Variants in ZBTB7C observed in about 807,000 individuals in gnomAD.
ZBTB7C encodes the protein zinc finger and BTB domain containing 7C, also known as zinc finger and BTB domain-containing protein 7C.
ZBTB7C carries 8 observed loss-of-function variants against 25.7 expected under a neutral mutation model. The ratio of observed to expected loss-of-function variants is 0.31; its 90% CI spans 0.18 to 0.56. The LOEUF (loss-of-function observed/expected upper bound fraction) is 0.56, where lower values mean the gene tolerates loss of function less well. ZBTB7C is among the 20% of genes least tolerant of loss of function. The probability of loss-of-function intolerance (pLI) is 0.91; values close to 1 mark genes in which losing one functional copy is unlikely to be tolerated. For synonymous variants in ZBTB7C, 394 were observed against 369.0 expected, an observed-to-expected ratio of 1.07 and a Z score of -0.78; for missense variants, 824 against 855.2, an observed-to-expected ratio of 0.96 and a Z score of 0.46.
intron 2 of ZBTB7C, among the ~76,000 whole-genome samples, chr18:48,198,254 C>T (rs1405351180): frequency 2.6e-5 from 4 of 152,130 alleles, no homozygotes; most frequent in African/African-American, 2.4e-5. Context: ...ATCTAGAGTT[C>T]CCCATCTTCC....
At chr18:48,149,137 C>A (rs78060600) in intron 3 of ZBTB7C, 3 of 135,002 alleles carry the variant, frequency 2.2e-5, no homozygotes, top group Non-Finnish European at 3.3e-5. Context: ...TGTGTGTGTG[C>A]GCGCGTGTGT....
chr18:48,294,668 C>CA (rs2045337354), intron 2 of ZBTB7C, among the ~76,000 whole-genome samples: 1 of 152,092 alleles, frequency 6.6e-6, no homozygotes, highest in South Asian at 2.1e-4. Flanking sequence ...ACCTGCCCCC[C>CA]ACCCCTCCCT....
chr18:48,134,196 A>G (rs947332492), intron 3 of ZBTB7C, among the ~76,000 whole-genome samples: 2 of 151,566 alleles, frequency 1.3e-5, no homozygotes, highest in Non-Finnish European at 2.9e-5. Flanking sequence ...CATCACTCAG[A>G]TGGGTAATAG....
chr18:48,307,535 A>G (rs2045704168), intron 2 of ZBTB7C, among the ~76,000 whole-genome samples: 2 of 152,328 alleles, frequency 1.3e-5, no homozygotes, highest in Admixed American at 6.5e-5. Flanking sequence ...GAGCCTTCTA[A>G]GCAATGTATA....
At chr18:48,400,575 G>A (rs1366132509) in intron 1 of ZBTB7C, among the ~76,000 whole-genome samples, 1 of 152,110 alleles carries the variant, frequency 6.6e-6, no homozygotes, top group Non-Finnish European at 1.5e-5. Context: ...GAGTCCCCCT[G>A]TAGCCACAGC....
chr18:48,206,015 A>G (rs2042568747), intron 2 of ZBTB7C, among the ~76,000 whole-genome samples: 1 of 152,228 alleles, frequency 6.6e-6, no homozygotes, highest in African/African-American at 2.4e-5. Flanking sequence ...AGGAGACTCT[A>G]GATTCAATGC....
At chr18:48,387,743 A>T (rs1021973172) in intron 1 of ZBTB7C, among the ~76,000 whole-genome samples, 2 of 152,242 alleles carry the variant, frequency 1.3e-5, no homozygotes, top group Non-Finnish European at 2.9e-5. Context: ...ACAGCAAAAC[A>T]GAATAAACAG....
chr18:48,135,577 G>T (rs962320257), intron 3 of ZBTB7C, among the ~76,000 whole-genome samples: 2 of 152,118 alleles, frequency 1.3e-5, no homozygotes, highest in Middle Eastern at 3.2e-3. Flanking sequence ...TGTGCCTTAA[G>T]GGGGGAGGAC....
intron 1 of ZBTB7C, among the ~76,000 whole-genome samples, chr18:48,378,180 T>C (rs545315436): frequency 6.6e-6 from 1 of 152,166 alleles, no homozygotes; most frequent in Non-Finnish European, 1.5e-5. Flanking sequence ...TTAGGAAAGT[T>C]AGAGTTTCTT....
At chr18:48,075,031 A>C (rs1012296245) in intron 3 of ZBTB7C, among the ~76,000 whole-genome samples, 19 of 152,190 alleles carry the variant, frequency 1.2e-4, no homozygotes, top group African/African-American at 4.1e-4. Context: ...TAGGTCATCT[A>C]TCAAAGTGCG....
chr18:48,137,025 C>A (rs2144808077), intron 3 of ZBTB7C: 1 of 985,276 alleles, frequency 1.0e-6, no homozygotes, highest in Admixed American at 6.1e-5. Context: ...CCCGGGGACG[C>A]CGCGCTCGTG....
At chr18:48,070,562 C>T (rs1339883104) in intron 3 of ZBTB7C, among the ~76,000 whole-genome samples, 2 of 152,208 alleles carry the variant, frequency 1.3e-5, no homozygotes, top group African/African-American at 2.4e-5. Flanking sequence ...ACACCTTTTC[C>T]AGCACAGGGT....
intron 1 of ZBTB7C, among the ~76,000 whole-genome samples, chr18:48,378,923 G>T (rs1425369749): frequency 6.6e-6 from 1 of 152,174 alleles, no homozygotes; most frequent in East Asian, 1.9e-4. Flanking sequence ...AATAAAACTA[G>T]AGGCTAATAT....
intron 3 of ZBTB7C, among the ~76,000 whole-genome samples, chr18:48,047,056 G>A (rs982265891): frequency 6.6e-6 from 1 of 152,186 alleles, no homozygotes; most frequent in South Asian, 2.1e-4. Flanking sequence ...CCAGGCAGGA[G>A]ACTAACCTCA....
At chr18:48,032,662 T>C (rs1301725290) in intron 4 of ZBTB7C, among the ~76,000 whole-genome samples, 1 of 151,876 alleles carries the variant, frequency 6.6e-6, no homozygotes, top group Non-Finnish European at 1.5e-5. Context: ...GGTCTCGATC[T>C]CCTGACCTCG....
chr18:48,233,553 C>T (rs967153210), intron 2 of ZBTB7C, among the ~76,000 whole-genome samples: 9 of 152,200 alleles, frequency 5.9e-5, no homozygotes, highest in South Asian at 2.1e-4. Context: ...TACATTACTG[C>T]CCCTGTTCTA....
intron 3 of ZBTB7C, among the ~76,000 whole-genome samples, chr18:48,056,990 T>C (rs977317686): frequency 6.8e-5 from 9 of 131,506 alleles, no homozygotes; most frequent in African/African-American, 2.4e-4. Context: ...TTCCTTTATA[T>C]AGAGAGAGAC....
At chr18:48,208,868 C>T (rs559429470) in intron 2 of ZBTB7C, among the ~76,000 whole-genome samples, 1 of 152,336 alleles carries the variant, frequency 6.6e-6, no homozygotes, top group African/African-American at 2.4e-5. Context: ...TTTATTCTCC[C>T]ACCCTACCCC....
At chr18:48,149,779 T>C (rs1381890739) in intron 3 of ZBTB7C, 2 of 150,874 alleles carry the variant, frequency 1.3e-5, no homozygotes, top group Non-Finnish European at 2.9e-5. Flanking sequence ...GAACTTTGCA[T>C]GCATCATTTC....
Sources: gnomAD v4.1 joint callset for allele counts (sites outside exome capture counted in the v4.1 genomes callset) on GRCh38, gnomAD v4.1.1 for gene constraint, MANE v1.5 for transcripts, NCBI Gene and HGNC (gene_info 2026-07-23, HGNC 2026-07-21) for gene names.